DLG2: variants seen among roughly 807,000 people sequenced by gnomAD.
The protein encoded by DLG2 is discs large MAGUK scaffold protein 2, also known as disks large homolog 2.
Under a neutral mutation model 132.5 loss-of-function variants are expected in DLG2, and 45 were observed. The observed-to-expected ratio is 0.34, with a 90% confidence interval of 0.27 to 0.44. The LOEUF (loss-of-function observed/expected upper bound fraction) is 0.44. DLG2 is among the 20% of genes least tolerant of loss of function. The pLI is 1.00. For synonymous variants in DLG2, 424 were observed against 419.6 expected (o/e 1.01, Z -0.13); for missense variants, 1,045 against 1,196.9 (o/e 0.87, Z 1.87).
chr11:84,814,906 G>C (rs1279443729), intron 6 of DLG2, among the ~76,000 whole-genome samples: 1 of 152,102 alleles, frequency 6.6e-6, no homozygotes, highest in Non-Finnish European at 1.5e-5. Flanking sequence ...TTGAAGACAT[G>C]CTTTGATGAG....
intron 12 of DLG2, among the ~76,000 whole-genome samples, chr11:83,977,248 AT>A (rs556251900): frequency 4.6e-5 from 7 of 151,870 alleles, no homozygotes; most frequent in East Asian, 1.9e-4. Flanking sequence ...CTTTTTGAGA[AT>A]TTTTTTTGTG....
At chr11:84,610,196 G>A (rs58654368) in intron 6 of DLG2, among the ~76,000 whole-genome samples, 42,771 of 151,692 alleles carry the variant, frequency 0.28, 6,918 homozygotes, top group African/African-American at 0.44. Flanking sequence ...TCTGAATATT[G>A]CCAGTAATAT....
At chr11:85,395,190 A>T (rs1268639119) in intron 3 of DLG2, among the ~76,000 whole-genome samples, 3 of 152,204 alleles carry the variant, frequency 2.0e-5, no homozygotes, top group African/African-American at 7.2e-5. Context: ...ATAAATGAAA[A>T]AAGTGTTAAT....
At chr11:83,556,378 CT>C (rs11368850) in intron 19 of DLG2, among the ~76,000 whole-genome samples, 75 of 144,238 alleles carry the variant, frequency 5.2e-4, no homozygotes, top group South Asian at 1.3e-3. Flanking sequence ...CTTTTTCTTT[CT>C]TTTTTTTTTT....
intron 6 of DLG2, among the ~76,000 whole-genome samples, chr11:84,971,397 T>A (rs10501583): frequency 0.05 from 7,609 of 152,308 alleles, 253 homozygotes; most frequent in Middle Eastern, 0.14. Context: ...GTAACATTTA[T>A]GAATACATTG....
At chr11:83,696,391 G>A (rs1167067968) in intron 18 of DLG2, among the ~76,000 whole-genome samples, 1 of 152,094 alleles carries the variant, frequency 6.6e-6, no homozygotes, top group African/African-American at 2.4e-5. Flanking sequence ...GACATTTTGT[G>A]GCTATATGAG....
intron 7 of DLG2, among the ~76,000 whole-genome samples, chr11:84,491,490 C>T (rs1442676919): frequency 6.6e-6 from 1 of 152,106 alleles, no homozygotes; most frequent in Non-Finnish European, 1.5e-5. Context: ...TTATCAGCAA[C>T]GTGCAAACAG....
chr11:84,845,334 G>A (rs528222290), intron 6 of DLG2, among the ~76,000 whole-genome samples: 1 of 152,160 alleles, frequency 6.6e-6, no homozygotes, highest in South Asian at 2.1e-4. Context: ...TACATATTAT[G>A]GGCCAGGTAC....
At chr11:83,691,830 C>T (rs183997508) in intron 18 of DLG2, among the ~76,000 whole-genome samples, 23 of 135,754 alleles carry the variant, frequency 1.7e-4, no homozygotes, top group Admixed American at 1.4e-3. Flanking sequence ...TTTTCCTGGA[C>T]GGTATCCAGA....
intron 6 of DLG2, among the ~76,000 whole-genome samples, chr11:84,965,108 T>C (rs893827580): frequency 4.6e-5 from 7 of 152,156 alleles, no homozygotes; most frequent in Admixed American, 1.3e-4. Flanking sequence ...AAATGTTTCA[T>C]AAATTGCAGT....
chr11:83,711,302 C>T (rs2085359462), intron 18 of DLG2, among the ~76,000 whole-genome samples: 1 of 152,222 alleles, frequency 6.6e-6, no homozygotes, highest in Non-Finnish European at 1.5e-5. Context: ...AGTAGAGGCA[C>T]TACACTGCTG....
intron 7 of DLG2, among the ~76,000 whole-genome samples, chr11:84,358,256 C>T (rs550538640): frequency 1.3e-5 from 2 of 151,894 alleles, no homozygotes; most frequent in South Asian, 4.2e-4. Context: ...TTAAATGCAG[C>T]CCTCATTAAG....
intron 8 of DLG2, among the ~76,000 whole-genome samples, chr11:84,198,557 A>G (rs2096552572): frequency 6.6e-6 from 1 of 152,218 alleles, no homozygotes; most frequent in African/African-American, 2.4e-5. Flanking sequence ...GTAATGTCAA[A>G]ATACCAAAAT....
intron 7 of DLG2, among the ~76,000 whole-genome samples, chr11:84,345,672 T>C (rs1278936135): frequency 1.3e-5 from 2 of 152,186 alleles, no homozygotes; most frequent in Non-Finnish European, 2.9e-5. Context: ...TTCAAAATCC[T>C]TCTCTGGTAC....
At chr11:85,133,876 T>C (rs17148016) in intron 5 of DLG2, among the ~76,000 whole-genome samples, 8,514 of 152,218 alleles carry the variant, frequency 0.056, 350 homozygotes, top group African/African-American at 0.11. Context: ...TGCTACTACA[T>C]AGACGGCCTT....
intron 3 of DLG2, among the ~76,000 whole-genome samples, chr11:85,500,715 T>C (rs1477306831): frequency 1.3e-5 from 2 of 152,116 alleles, no homozygotes; most frequent in Non-Finnish European, 2.9e-5. Context: ...TTATAAGAGA[T>C]GTGAAGGACC....
chr11:84,913,360 A>T (rs1484264267), intron 6 of DLG2, among the ~76,000 whole-genome samples: 1 of 152,172 alleles, frequency 6.6e-6, no homozygotes, highest in Non-Finnish European at 1.5e-5. Context: ...CAGACTCACC[A>T]TATATATTTT....
At chr11:85,291,918 G>C (rs572713258) in intron 3 of DLG2, among the ~76,000 whole-genome samples, 18 of 152,012 alleles carry the variant, frequency 1.2e-4, no homozygotes, top group African/African-American at 4.3e-4. Context: ...ACAAAGAGAC[G>C]GTAAGATGTG....
At position 84,101,856 on chromosome 11, in the gene DLG2, T is replaced by C. The variant is rs867961678; in HGVS notation, c.625-2809A>G. Among the ~76,000 whole-genome samples, 6 of 152,230 alleles carry C rather than the reference T, an allele frequency of 3.9e-5. 1 individual carries two copies. The Middle Eastern group carries it at 0.02, about 518-fold the overall frequency. ...ACCCAAATGCTTTCTCCTGATACTG[T>C]CAACATGTTTGGAGAGGGTACTCAA... On this transcript the variant is annotated intron_variant, in intron 9 of 27. Transcript: ENST00000376104.
Sources: allele counts gnomAD v4.1 joint callset (sites outside exome capture counted in the v4.1 genomes callset), GRCh38; gene constraint gnomAD v4.1.1; transcripts MANE v1.5; gene names NCBI Gene and HGNC (gene_info 2026-07-23, HGNC 2026-07-21).